Variants in F13B observed in about 807,000 individuals in gnomAD.
The protein encoded by F13B is coagulation factor XIII B chain, also known as TGase.
A neutral mutation model predicts 79.8 loss-of-function variants in F13B; 58 were observed. The ratio of observed to expected loss-of-function variants is 0.73; its 90% CI spans 0.59 to 0.90. F13B has a LOEUF of 0.90. F13B is among the 40% of genes least tolerant of loss of function. F13B has a pLI of 0.00. For synonymous variants in F13B, 283 were observed against 260.3 expected, an observed-to-expected ratio of 1.09 and a Z score of -0.84; for missense variants, 773 against 777.0, an observed-to-expected ratio of 0.99 and a Z score of 0.06.
chr1:197,042,241 AT>A (rs1263809035), intron 10 of F13B, among the ~76,000 whole-genome samples: 2 of 152,198 alleles, frequency 1.3e-5, no homozygotes, highest in East Asian at 3.9e-4. Context: ...ATGAACAAGA[AT>A]TATTACACTC....
At position 197,061,917 on chromosome 1, in the gene F13B, T is replaced by G. The variant is rs903500003; in HGVS notation, c.318A>C (p.Leu106Phe). The change falls in exon 3 of 12, where the codon TTA (leucine) becomes TTC (phenylalanine). Residue 106 changes from leucine (L) to phenylalanine (F), a missense_variant. Coordinates refer to ENST00000367412, the MANE Select transcript of F13B (RefSeq NM_001994.3). ...GCATGTTCTCTTGAATTTTATACAA[T>G]AACTTTACATCAGAGATGTAACCAT... ...LSNGYISDVKLLYKIQENMRY... is the reference protein window; with the variant it reads ...LSNGYISDVKFLYKIQENMRY... 5.0e-6 allele frequency: 8 copies of G among 1,613,014 alleles called. No individual in the cohort carries two copies. Among genetic ancestry groups the G allele is most frequent in the Non-Finnish European group, 6.8e-6 (8 of 1,179,362 alleles).
Position 197,057,112 on chromosome 1 carries a change from C to A in F13B, c.1072G>T (p.Asp358Tyr). ...CTTTTACATGCATATGTCACTTTAT[C>A]CCCATTGTAATAAATCTTAGAGTGT... is the stretch of plus-strand genomic sequence containing the variant. ...NLHSKIYYNG[D>Y]KVTYACKSGY... The change falls in exon 7 of 12, where the codon GAT (aspartate) becomes TAT (tyrosine). Residue 358 changes from aspartate to tyrosine, a missense_variant. By Grantham distance (160) the Asp-to-Tyr change is radical. Coordinates refer to ENST00000367412, the MANE Select transcript of F13B (RefSeq NM_001994.3). The A allele has an allele frequency of 6.2e-7, 1 of 1,613,802 alleles. No individual in the cohort carries two copies. Among genetic ancestry groups the A allele is most frequent in the Non-Finnish European group, 8.5e-7 (1 of 1,179,890 alleles).
chr1:197,055,819 G>A lies in F13B; in HGVS notation c.1250C>T (p.Thr417Ile). 1.2e-6 allele frequency: 2 copies of A among 1,613,400 alleles called. No homozygotes were observed. The highest frequency in any genetic ancestry group is 1.7e-6 in the Non-Finnish European group (2 of 1,179,708). Residue 417 changes from threonine to isoleucine, a missense_variant, in exon 8 of 12, where the codon ACA becomes ATA. By Grantham distance (89) the Thr-to-Ile change is moderately conservative. Transcript: ENST00000367412. ...VADGILASYATGSSVEYRCNE... is the reference protein window; with the variant it reads ...VADGILASYAIGSSVEYRCNE... ...GCATCTATATTCCACTGAGGATCCT[G>A]TTGCATAGCTTGCCAATATCCCGTC...
intron 10 of F13B, among the ~76,000 whole-genome samples, chr1:197,050,089 T>C (rs1243748916): frequency 6.6e-6 from 1 of 152,114 alleles, no homozygotes; most frequent in Admixed American, 6.6e-5. Context: ...GTTTTACTTA[T>C]GAGAATGGGA....
At chr1:197,042,200 C>A (rs1353267658) in intron 10 of F13B, among the ~76,000 whole-genome samples, 1 of 152,112 alleles carries the variant, frequency 6.6e-6, no homozygotes, top group Non-Finnish European at 1.5e-5. Context: ...ATGTGTCAAA[C>A]ATTATGCTGG....
chr1:197,050,990 G>T, intron 9 of F13B, 111 bp from the exon 10 acceptor site: 1 of 917,354 alleles, frequency 1.1e-6, no homozygotes, highest in African/African-American at 1.6e-5. Context: ...GGAGTATGGT[G>T]GCATGATCAT....
intron 7 of F13B, among the ~76,000 whole-genome samples, chr1:197,056,281 T>C (rs926514196): frequency 6.6e-6 from 1 of 152,184 alleles, no homozygotes; most frequent in Non-Finnish European, 1.5e-5. Context: ...CAGGTCTCAA[T>C]AGACCCATGA....
chr1:197,055,933 T>C (rs747796253), intron 7 of F13B, 36 bp from the exon 8 acceptor site: 2 of 1,528,920 alleles, frequency 1.3e-6, no homozygotes, highest in Non-Finnish European at 1.8e-6. Context: ...TAATATGAGC[T>C]CATAACAATA....
intron 1 of F13B, among the ~76,000 whole-genome samples, chr1:197,064,134 T>A (rs1655967852): frequency 6.6e-6 from 1 of 152,116 alleles, no homozygotes. Context: ...ATAGAACTGC[T>A]GAAATGAAAA....
chr1:197,052,651 G>A lies in F13B; in HGVS notation c.1538C>T (p.Pro513Leu). 1 of 1,610,392 alleles carries A rather than the reference G, an allele frequency of 6.2e-7. No homozygotes were observed. The highest frequency in any genetic ancestry group is 8.5e-7 in the Non-Finnish European group (1 of 1,177,772). The change falls in exon 9 of 12, where the codon CCT (proline) becomes CTT (leucine). Residue 513 changes from proline to leucine, a missense_variant. Transcript: ENST00000367412. ...VQCNRGEVKY[P>L]LCTRKESKGM... ...TATTTTACCTTTTCTAGTACATAAAGGATATTTCACTTCTCCTCTGTTGCA... is the reference window on the plus strand; with the variant it reads ...TATTTTACCTTTTCTAGTACATAAAAGATATTTCACTTCTCCTCTGTTGCA...
At position 197,039,431 on chromosome 1, in the gene F13B, A is replaced by G; in HGVS notation, c.1953-20T>C. On this transcript the variant is annotated intron_variant, in intron 11 of 11. Coordinates refer to ENST00000367412, the MANE Select transcript of F13B (RefSeq NM_001994.3). The stretch of plus-strand genomic sequence containing the variant: ...AGAGTGCTTGAGGGGAAAAAGAGAG[A>G]TTTTTGAAATAAGCATCAATTGCAG... The G allele has an allele frequency of 1.2e-6, 2 of 1,605,250 alleles. No individual in the cohort carries two copies. Among genetic ancestry groups the G allele is most frequent in the East Asian group, 2.2e-5 (1 of 44,618 alleles).
intron 9 of F13B, among the ~76,000 whole-genome samples, chr1:197,051,694 C>A (rs1466339804): frequency 6.6e-6 from 1 of 152,098 alleles, no homozygotes; most frequent in African/African-American, 2.4e-5. Flanking sequence ...GAAGTTGGAT[C>A]ACTCCTCTCA....
intron 10 of F13B, among the ~76,000 whole-genome samples, chr1:197,050,028 T>A (rs1341801984): frequency 2.0e-5 from 3 of 152,136 alleles, no homozygotes; most frequent in Non-Finnish European, 2.9e-5. Flanking sequence ...TACCTTTAAC[T>A]TGATTTTTAA....
rs770886054 is a variant in F13B at position 197,060,966 on chromosome 1, A to G, written c.561T>C (p.Ala187=). The change falls in exon 4 of 12, where the codon GCT becomes GCC. Residue 187 remains alanine, a synonymous_variant. Transcript: ENST00000367412. ...CTACCTCCTCTGTCTTCTTTCCTCC[A>G]GCTGTGTAGTAGCCAGTAGCACATT... ...QYECATGYYT[A]GGKKTEEVEC... is the part of the protein sequence containing the mutation. 2 of 1,613,280 alleles carry G rather than the reference A, an allele frequency of 1.2e-6. No individual in the cohort carries two copies. The highest frequency in any genetic ancestry group is 1.1e-5 in the South Asian group (1 of 91,060).
rs187861158 is a variant in F13B, at chr1:197,061,666, A to C, written c.451+118T>G. On this transcript the variant is annotated intron_variant, in intron 3 of 11. Transcript: ENST00000367412. ...AAGCAATGTAATATCAACTTCCTGCATTGTAGACATAATGAAAAATAAATT... is the reference window on the plus strand; with the variant it reads ...AAGCAATGTAATATCAACTTCCTGCCTTGTAGACATAATGAAAAATAAATT... The C allele has an allele frequency of 2.3e-5, 20 of 864,142 alleles. 1 individual carries two copies. In the Admixed American group the frequency reaches 4.6e-4, roughly 20 times the overall value. 53.5% of individuals were successfully genotyped at this position (864,142 alleles called of 1,614,324 possible). A position where few individuals can be genotyped will look rare whatever the true frequency, so the allele number is the denominator to read the frequency against.
intron 9 of F13B, 63 bp from the exon 10 acceptor site, chr1:197,050,942 G>A: frequency 5.8e-6 from 8 of 1,371,630 alleles, no homozygotes; most frequent in South Asian, 4.8e-5. Context: ...TACTTTATAA[G>A]TGCTACAGAG....
intron 11 of F13B, chr1:197,040,292 A>G (rs1654988474): frequency 2.0e-6 from 1 of 490,344 alleles, no homozygotes; most frequent in South Asian, 2.7e-5. Flanking sequence ...CCAAAGTGTC[A>G]CAAATATCAA....
intron 11 of F13B, chr1:197,040,134 T>C (rs1307092314): frequency 6.0e-6 from 1 of 167,008 alleles, no homozygotes; most frequent in African/African-American, 2.4e-5. Flanking sequence ...TGAAAATAAA[T>C]ACCACATTTT....
Position 197,060,579 on chromosome 1 carries a change from GTTTA to G in F13B, c.629-41_629-38del, listed in dbSNP as rs17549603. ...AGAATGAATAAAATTACAAACAAAT[GTTTA>G]TTTTTTCTGCTACAACAAAATGCAC... is the stretch of plus-strand genomic sequence containing the variant. On this transcript the variant is annotated intron_variant, in intron 4 of 11. Transcript: ENST00000367412. The G allele has an allele frequency of 1.5e-3, 2,159 of 1,432,732 alleles. 25 individuals carry two copies. The African/African-American group carries it at 0.026, about 17-fold the overall frequency. 88.8% of individuals were successfully genotyped at this position (1,432,732 alleles called of 1,614,324 possible).
Sources: allele counts gnomAD v4.1 joint callset (sites outside exome capture counted in the v4.1 genomes callset), GRCh38; gene constraint gnomAD v4.1.1; transcripts MANE v1.5; gene names NCBI Gene and HGNC (gene_info 2026-07-23, HGNC 2026-07-21).